C9: variants seen among roughly 807,000 people sequenced by gnomAD.
The protein encoded by C9 is complement C9, also known as complement component C9.
A neutral mutation model predicts 65.4 loss-of-function variants in C9; 63 were observed. The ratio of observed to expected loss-of-function variants is 0.96; its 90% CI spans 0.79 to 1.19. The LOEUF (loss-of-function observed/expected upper bound fraction) is 1.19, where lower values mean the gene tolerates loss of function less well. C9 is among the 50% of genes most tolerant of loss of function. C9 has a pLI of 0.00. For missense variants in C9, 744 were observed against 670.1 expected, an observed-to-expected ratio of 1.11 and a Z score of -1.22; for synonymous variants, 229 against 227.9, an observed-to-expected ratio of 1.00 and a Z score of -0.04.
intron 4 of C9, among the ~76,000 whole-genome samples, chr5:39,338,622 G>A (rs1188544004): frequency 2.0e-5 from 3 of 152,096 alleles, no homozygotes; most frequent in Non-Finnish European, 4.4e-5. Context: ...ATGGTAATGG[G>A]GAATTTAATT....
At chr5:39,311,071 G>C (rs1276624267) in intron 7 of C9, 66 bp downstream of exon 7, 1 of 1,547,466 alleles carries the variant, frequency 6.5e-7, no homozygotes, top group Admixed American at 1.7e-5. Context: ...ATTGAAACAG[G>C]TTGGTGAACA....
At chr5:39,326,047 GT>G (rs200160148) in intron 5 of C9, among the ~76,000 whole-genome samples, 16 of 151,806 alleles carry the variant, frequency 1.1e-4, no homozygotes, top group African/African-American at 3.1e-4. Context: ...TTTGTGTGGG[GT>G]TTTTTTTCTT....
chr5:39,362,076 A>G (rs2111994637), intron 1 of C9, among the ~76,000 whole-genome samples: 1 of 152,338 alleles, frequency 6.6e-6, no homozygotes, highest in Non-Finnish European at 1.5e-5. Flanking sequence ...TTTAATGTTC[A>G]CAACGAAAAC....
At chr5:39,328,993 AT>A (rs977290838) in intron 5 of C9, among the ~76,000 whole-genome samples, 10 of 152,166 alleles carry the variant, frequency 6.6e-5, no homozygotes, top group Admixed American at 5.2e-4. Context: ...CATTTTGCAA[AT>A]TTTTGTTCAT....
intron 1 of C9, among the ~76,000 whole-genome samples, chr5:39,343,814 T>A (rs1376488826): frequency 6.6e-6 from 1 of 152,078 alleles, no homozygotes; most frequent in Admixed American, 6.5e-5. Flanking sequence ...TGGGTACCCC[T>A]CTGATATGAA....
intron 1 of C9, among the ~76,000 whole-genome samples, chr5:39,357,271 A>T (rs753328579): frequency 1.4e-4 from 21 of 152,362 alleles, no homozygotes; most frequent in Admixed American, 3.9e-4. Context: ...ATATAAGCCA[A>T]TTAGGACTAC....
chr5:39,292,688 TG>T (rs1753118476), intron 9 of C9, among the ~76,000 whole-genome samples: 1 of 151,436 alleles, frequency 6.6e-6, no homozygotes, highest in African/African-American at 2.4e-5. Context: ...AAAATATGTA[TG>T]TAAAATATAC....
chr5:39,287,682 T>C (rs1319488430), intron 10 of C9, among the ~76,000 whole-genome samples: 1 of 151,896 alleles, frequency 6.6e-6, no homozygotes, highest in Non-Finnish European at 1.5e-5. Flanking sequence ...AGCAACATGG[T>C]TGGAGCTGGA....
At chr5:39,293,568 A>G (rs1753133111) in intron 9 of C9, among the ~76,000 whole-genome samples, 1 of 152,030 alleles carries the variant, frequency 6.6e-6, no homozygotes, top group Non-Finnish European at 1.5e-5. Flanking sequence ...ACATAAAGCA[A>G]ATATTAGATC....
At chr5:39,311,570 A>G (rs1161690036) in intron 6 of C9, among the ~76,000 whole-genome samples, 193 bp from the exon 7 acceptor site, 1 of 152,170 alleles carries the variant, frequency 6.6e-6, no homozygotes, top group Non-Finnish European at 1.5e-5. Flanking sequence ...TGCAGTGACT[A>G]AAACTCTCCT....
chr5:39,359,011 ATAAAAAATATAT>A (rs1261546798), intron 1 of C9, among the ~76,000 whole-genome samples: 1 of 32,000 alleles, frequency 3.1e-5, no homozygotes, highest in East Asian at 3.3e-4. Flanking sequence ...AAATAAATAA[ATAAAAAATATAT>A]ATATATATAT....
intron 1 of C9, among the ~76,000 whole-genome samples, chr5:39,342,818 T>C (rs1754114248): frequency 6.6e-6 from 1 of 152,168 alleles, no homozygotes; most frequent in Admixed American, 6.5e-5. Flanking sequence ...CACTTATGCC[T>C]CCCTTTCCAC....
At chr5:39,314,482 T>A (rs1753538884) in intron 6 of C9, among the ~76,000 whole-genome samples, 1 of 151,682 alleles carries the variant, frequency 6.6e-6, no homozygotes, top group African/African-American at 2.4e-5. Flanking sequence ...TTAAATTAAA[T>A]TAAAATTAAA....
Position 39,289,002 on chromosome 5 carries a change from T to G in C9, c.1417-51A>C. The G allele has an allele frequency of 3.1e-6, 3 of 962,416 alleles. No individual in the cohort carries two copies. The South Asian group carries it at 3.9e-5, about 12-fold the overall frequency. 59.6% of individuals were successfully genotyped at this position (962,416 alleles called of 1,614,324 possible). A position where few individuals can be genotyped will look rare whatever the true frequency, so the allele number is the denominator to read the frequency against. ...TTAGGTCCTTTTTAACTGAGAGAAC[T>G]TGTAGAATACACTTTACTTAATTAT... On this transcript the variant is annotated intron_variant, in intron 9 of 10. Transcript: ENST00000263408.
chr5:39,345,242 G>A (rs1036670509), intron 1 of C9, among the ~76,000 whole-genome samples: 1 of 152,148 alleles, frequency 6.6e-6, no homozygotes, highest in Non-Finnish European at 1.5e-5. Flanking sequence ...TGGATAAAGA[G>A]TAAAGACCCA....
In C9 at chr5:39,344,713, A is replaced by G. The variant is rs140056290; in HGVS notation, c.78-2517T>C. ...CTCGAGAAGAGCAACTCCAAGACAC[A>G]TAATTGTCAGATTTACCAAAGCTGA... On this transcript the variant is annotated intron_variant, in intron 1 of 10. Transcript: ENST00000263408. 3.5e-3 allele frequency among the ~76,000 whole-genome samples: 539 copies of G among 152,316 alleles called. 4 individuals carry two copies. Among genetic ancestry groups the G allele is most frequent in the African/African-American group, 0.012 (499 of 41,572 alleles).
chr5:39,348,524 G>A (rs1354482970), intron 1 of C9, among the ~76,000 whole-genome samples: 1 of 152,160 alleles, frequency 6.6e-6, no homozygotes, highest in African/African-American at 2.4e-5. Flanking sequence ...GGAAACAACT[G>A]GTGCTGGAGA....
At chr5:39,361,955 T>C (rs895728034) in intron 1 of C9, among the ~76,000 whole-genome samples, 2 of 152,046 alleles carry the variant, frequency 1.3e-5, no homozygotes, top group Non-Finnish European at 1.5e-5. Context: ...ACAAGAAAGA[T>C]AGCAAAGTGA....
At position 39,285,193 on chromosome 5, in the gene C9, A is replaced by G. The variant is rs2111827455; in HGVS notation, c.*6T>C. 1 of 1,612,426 alleles carries G rather than the reference A, an allele frequency of 6.2e-7. No individual in the cohort carries two copies. The highest frequency in any genetic ancestry group is 8.5e-7 in the Non-Finnish European group (1 of 1,178,554). On this transcript the variant is annotated 3_prime_UTR_variant, in exon 11 of 11. Coordinates refer to ENST00000263408, the MANE Select transcript of C9 (RefSeq NM_001737.5). Reference sequence around the variant, plus strand: ...CTTCCACTGGAGCTCAGAGAAGCCAACAGCTCTATTTTTCATTGGGGAACT... The same window carrying G: ...CTTCCACTGGAGCTCAGAGAAGCCAGCAGCTCTATTTTTCATTGGGGAACT...
Sources: gnomAD v4.1 joint callset for allele counts (sites outside exome capture counted in the v4.1 genomes callset) on GRCh38, gnomAD v4.1.1 for gene constraint, MANE v1.5 for transcripts, NCBI Gene and HGNC (gene_info 2026-07-23, HGNC 2026-07-21) for gene names.